The following SORCS2 variants were observed in gnomAD, a reference collection of about 807,000 sequenced individuals.
SORCS2 encodes the protein sortilin related VPS10 domain containing receptor 2.
Under a neutral mutation model 141.6 loss-of-function variants are expected in SORCS2, and 100 were observed. That is an observed-to-expected ratio of 0.71 (90% CI 0.60 to 0.83). The LOEUF (loss-of-function observed/expected upper bound fraction) is 0.83. Ranked by LOEUF, SORCS2 falls within the 40% of genes least tolerant of loss-of-function variation. The pLI, the probability that SORCS2 is intolerant of heterozygous loss-of-function variation, is 0.00. For missense variants in SORCS2, 1,646 were observed against 1,560.2 expected (o/e 1.05, Z -0.93); for synonymous variants, 789 against 676.9 (o/e 1.17, Z -2.57).
At chr4:7,340,151 A>G (rs1300058111) in intron 1 of SORCS2, among the ~76,000 whole-genome samples, 1 of 152,242 alleles carries the variant, frequency 6.6e-6, no homozygotes, top group African/African-American at 2.4e-5. Context: ...CAGGTTGACA[A>G]TGAGGCTGGG....
At chr4:7,512,751 C>A (rs1732740572) in intron 2 of SORCS2, among the ~76,000 whole-genome samples, 1 of 151,954 alleles carries the variant, frequency 6.6e-6, no homozygotes, top group Non-Finnish European at 1.5e-5. Context: ...ATGGGGACCT[C>A]TGCTTGGCTC....
At chr4:7,252,405 G>T (rs1441818228) in intron 1 of SORCS2, among the ~76,000 whole-genome samples, 1 of 152,182 alleles carries the variant, frequency 6.6e-6, no homozygotes, top group Admixed American at 6.5e-5. Context: ...AGAGCAAACC[G>T]CAAGACTCTG....
intron 1 of SORCS2, among the ~76,000 whole-genome samples, chr4:7,252,866 C>T (rs1419931107): frequency 3.3e-5 from 5 of 152,252 alleles, no homozygotes; most frequent in African/African-American, 4.8e-5. Flanking sequence ...TATTGCATTC[C>T]GTTTAGAAAA....
At chr4:7,502,127 G>C (rs1732012469) in intron 2 of SORCS2, among the ~76,000 whole-genome samples, 1 of 152,230 alleles carries the variant, frequency 6.6e-6, no homozygotes, top group Non-Finnish European at 1.5e-5. Flanking sequence ...GGCTGGGGTG[G>C]TTGTCTCATT....
chr4:7,638,287 G>C, intron 3 of SORCS2, 41 bp from the exon 4 acceptor site: 1 of 1,489,706 alleles, frequency 6.7e-7, no homozygotes, highest in South Asian at 1.4e-5. Context: ...CGGGGGAGAG[G>C]GGCACCTGGC....
intron 3 of SORCS2, among the ~76,000 whole-genome samples, chr4:7,575,707 T>A (rs780347205): frequency 1.3e-5 from 2 of 152,228 alleles, no homozygotes; most frequent in African/African-American, 2.4e-5. Flanking sequence ...GACTGGACAC[T>A]TGCTCCTGTG....
chr4:7,552,341 G>A (rs6815897), intron 3 of SORCS2, among the ~76,000 whole-genome samples: 88,482 of 151,914 alleles, frequency 0.58, 28,193 homozygotes, highest in East Asian at 0.9. Flanking sequence ...TCTGTCCCCT[G>A]GGGCACCAGC....
chr4:7,703,481 T>A (rs2109016004), intron 13 of SORCS2, 110 bp downstream of exon 13: 1 of 826,162 alleles, frequency 1.2e-6, no homozygotes, highest in Non-Finnish European at 1.9e-6. Flanking sequence ...CGGGGACACA[T>A]GATCACAGAG....
At chr4:7,564,487 T>A (rs1206174930) in intron 3 of SORCS2, among the ~76,000 whole-genome samples, 1 of 152,236 alleles carries the variant, frequency 6.6e-6, no homozygotes, top group South Asian at 2.1e-4. Flanking sequence ...ACTCAGTTAC[T>A]GCTATAAAGA....
chr4:7,501,087 T>C (rs1282410533), intron 2 of SORCS2, among the ~76,000 whole-genome samples: 1 of 152,218 alleles, frequency 6.6e-6, no homozygotes, highest in Non-Finnish European at 1.5e-5. Context: ...ACCTATGTTT[T>C]TCTCAGGGTG....
At chr4:7,701,065 A>G (rs974600668) in intron 12 of SORCS2, among the ~76,000 whole-genome samples, 1 of 152,178 alleles carries the variant, frequency 6.6e-6, no homozygotes, top group Non-Finnish European at 1.5e-5. Flanking sequence ...CAAGTCCCTG[A>G]TGGGCAGCAG....
intron 2 of SORCS2, among the ~76,000 whole-genome samples, chr4:7,476,221 G>GGAAGT (rs1305937069): frequency 3.3e-5 from 5 of 152,218 alleles, no homozygotes; most frequent in Non-Finnish European, 7.3e-5. Context: ...ACAGATGGAG[G>GGAAGT]GAAGTCGATA....
chr4:7,589,322 C>T (rs1716754853), intron 3 of SORCS2, among the ~76,000 whole-genome samples: 1 of 152,124 alleles, frequency 6.6e-6, no homozygotes, highest in Admixed American at 6.5e-5. Context: ...TGGTTGTTAG[C>T]GATGATACCA....
At chr4:7,628,911 G>T (rs1719694862) in intron 3 of SORCS2, among the ~76,000 whole-genome samples, 1 of 152,206 alleles carries the variant, frequency 6.6e-6, no homozygotes, top group African/African-American at 2.4e-5. Context: ...AATATAAAAG[G>T]ATGTTTTCAG....
chr4:7,638,068 C>T (rs2285790), intron 3 of SORCS2, among the ~76,000 whole-genome samples: 126,514 of 152,214 alleles, frequency 0.83, 52,840 homozygotes, highest in East Asian at 0.96. Flanking sequence ...TGTGCAGGGG[C>T]GAGGGTCTGG....
intron 2 of SORCS2, among the ~76,000 whole-genome samples, chr4:7,513,533 G>C (rs1274826470): frequency 6.6e-6 from 1 of 152,212 alleles, no homozygotes; most frequent in Non-Finnish European, 1.5e-5. Context: ...CCACAGCCTG[G>C]GTGCTGGGGA....
At chr4:7,343,066 G>A (rs1430654078) in intron 1 of SORCS2, among the ~76,000 whole-genome samples, 2 of 152,210 alleles carry the variant, frequency 1.3e-5, no homozygotes, top group Non-Finnish European at 2.9e-5. Context: ...CCCCGACCCT[G>A]TGGGCCCCGA....
At chr4:7,651,023 T>C (rs1216468396) in intron 4 of SORCS2, among the ~76,000 whole-genome samples, 2 of 151,792 alleles carry the variant, frequency 1.3e-5, no homozygotes, top group African/African-American at 4.8e-5. Context: ...GGCAAAAACA[T>C]AACGCAAATC....
intron 1 of SORCS2, among the ~76,000 whole-genome samples, chr4:7,303,514 A>C (rs1205089616): frequency 6.6e-6 from 1 of 152,132 alleles, no homozygotes; most frequent in Non-Finnish European, 1.5e-5. Flanking sequence ...CTCCAGGTCA[A>C]CTCTGGTTCT....
Sources: allele counts gnomAD v4.1 joint callset (sites outside exome capture counted in the v4.1 genomes callset), GRCh38; gene constraint gnomAD v4.1.1; transcripts MANE v1.5; gene names NCBI Gene and HGNC (gene_info 2026-07-23, HGNC 2026-07-21).